The following EPB41L4B variants were observed in gnomAD, a reference collection of about 807,000 sequenced individuals.
The protein encoded by EPB41L4B is erythrocyte membrane protein band 4.1 like 4B, also known as band 4.1-like protein 4B.
A neutral mutation model predicts 112.5 loss-of-function variants in EPB41L4B; 30 were observed. The ratio of observed to expected loss-of-function variants is 0.27; its 90% CI spans 0.20 to 0.36. The LOEUF (loss-of-function observed/expected upper bound fraction) is 0.36, where lower values mean the gene tolerates loss of function less well. Ranked by LOEUF, EPB41L4B falls within the 10% of genes least tolerant of loss-of-function variation. EPB41L4B has a pLI of 1.00. For synonymous variants in EPB41L4B, 408 were observed against 439.7 expected, an observed-to-expected ratio of 0.93 and a Z score of 0.90; for missense variants, 1,024 against 1,133.3, an observed-to-expected ratio of 0.90 and a Z score of 1.38.
At chr9:109,263,473 G>A (rs994665852) in intron 5 of EPB41L4B, among the ~76,000 whole-genome samples, 2 of 152,070 alleles carry the variant, frequency 1.3e-5, no homozygotes, top group African/African-American at 4.8e-5. Context: ...CTTTTTTAAA[G>A]CTGCCTTCAA....
intron 1 of EPB41L4B, among the ~76,000 whole-genome samples, chr9:109,286,069 C>A (rs141916334): frequency 0.01 from 1,554 of 151,872 alleles, 29 homozygotes; most frequent in African/African-American, 0.035. Flanking sequence ...ACATCTCTGT[C>A]CCTCCATCCC....
chr9:109,175,520 A>G (rs1164018348), intron 25 of EPB41L4B, among the ~76,000 whole-genome samples: 1 of 107,716 alleles, frequency 9.3e-6, no homozygotes, highest in Non-Finnish European at 2.2e-5. Context: ...CACAGAGTAA[A>G]TACACATCTT....
Position 109,208,001 on chromosome 9 carries a change from G to C in EPB41L4B, c.1801C>G (p.Pro601Ala), listed in dbSNP as rs1452525587. ...SEKTLQTPLL[P>A]SPVADHVKCN... Reference sequence around the variant, plus strand: ...TTCACATGATCCGCAACAGGGGAAGGCAAAAGTGGAGTCTGAAGAGTTTTC... The same window carrying C: ...TTCACATGATCCGCAACAGGGGAAGCCAAAAGTGGAGTCTGAAGAGTTTTC... The change falls in exon 18 of 26, where the codon CCT (proline) becomes GCT (alanine). Residue 601 changes from proline to alanine, a missense_variant. Transcript: ENST00000374566. The C allele has an allele frequency of 6.2e-7, 1 of 1,614,180 alleles. No individual in the cohort carries two copies. Among genetic ancestry groups the C allele is most frequent in the East Asian group, 2.2e-5 (1 of 44,884 alleles).
chr9:109,314,252 G>A (rs981165294), intron 1 of EPB41L4B, among the ~76,000 whole-genome samples: 4 of 152,214 alleles, frequency 2.6e-5, no homozygotes, highest in Admixed American at 2.0e-4. Flanking sequence ...AATGGTAGGC[G>A]GAGGATTTCT....
At chr9:109,183,099 T>A (rs182167576) in intron 23 of EPB41L4B, among the ~76,000 whole-genome samples, 1 of 152,238 alleles carries the variant, frequency 6.6e-6, no homozygotes, top group East Asian at 1.9e-4. Flanking sequence ...TCTGCTTGGC[T>A]TTCCAGGCCT....
At chr9:109,259,137 C>T (rs1835100585) in intron 6 of EPB41L4B, among the ~76,000 whole-genome samples, 5 of 152,186 alleles carry the variant, frequency 3.3e-5, no homozygotes, top group Admixed American at 3.3e-4. Context: ...AATAGTACTG[C>T]CATCCCCTGG....
At chr9:109,289,004 C>A (rs906373728) in intron 1 of EPB41L4B, among the ~76,000 whole-genome samples, 1 of 152,160 alleles carries the variant, frequency 6.6e-6, no homozygotes, top group Non-Finnish European at 1.5e-5. Flanking sequence ...AGGACTAAGA[C>A]ACCCACCCCC....
chr9:109,301,897 T>A (rs1187185366), intron 1 of EPB41L4B, among the ~76,000 whole-genome samples: 1 of 152,232 alleles, frequency 6.6e-6, no homozygotes, highest in Non-Finnish European at 1.5e-5. Flanking sequence ...AGCAAGACCC[T>A]GTCTCAAAAA....
intron 17 of EPB41L4B, among the ~76,000 whole-genome samples, chr9:109,212,955 C>T (rs1833236464): frequency 6.6e-6 from 1 of 152,164 alleles, no homozygotes; most frequent in Admixed American, 6.5e-5. Flanking sequence ...TTGAGAAACG[C>T]TGGCAAAGAA....
intron 15 of EPB41L4B, among the ~76,000 whole-genome samples, chr9:109,232,901 A>T (rs1834002083): frequency 6.6e-6 from 1 of 152,344 alleles, no homozygotes; most frequent in Middle Eastern, 3.4e-3. Flanking sequence ...GAACATCCTT[A>T]GTTGGCCTCC....
At chr9:109,264,363 G>T (rs1170940959) in intron 5 of EPB41L4B, among the ~76,000 whole-genome samples, 3 of 152,170 alleles carry the variant, frequency 2.0e-5, no homozygotes, top group Non-Finnish European at 4.4e-5. Flanking sequence ...ATTCAATACA[G>T]ATGCTGAAAA....
At chr9:109,194,080 T>G in intron 21 of EPB41L4B, 140 bp downstream of exon 21, 1 of 877,760 alleles carries the variant, frequency 1.1e-6, no homozygotes, top group South Asian at 2.1e-5. Context: ...AAAAACATGT[T>G]CTGGTTGTTG....
At position 109,279,847 on chromosome 9, in the gene EPB41L4B, G is replaced by A. The variant is rs1215530716; in HGVS notation, c.381C>T (p.Gly127=). The part of the protein sequence containing the change: ...HLDLVETDYF[G]LQFLDSAQVA... Reference sequence around the variant, plus strand: ...CCTGGGCAGAGTCGAGGAACTGGAGGCCAAAGTAATCTGTTTCCACAAGGT... The same window carrying A: ...CCTGGGCAGAGTCGAGGAACTGGAGACCAAAGTAATCTGTTTCCACAAGGT... Residue 127 remains glycine (G), a synonymous_variant, in exon 2 of 26, where the codon GGC becomes GGT. Coordinates refer to ENST00000374566, the MANE Select transcript of EPB41L4B (RefSeq NM_019114.5). 10 of 1,613,932 alleles carry A rather than the reference G, an allele frequency of 6.2e-6. No individual in the cohort carries two copies. Among genetic ancestry groups the A allele is most frequent in the Non-Finnish European group, 8.5e-6 (10 of 1,179,998 alleles).
In EPB41L4B at chr9:109,255,808, T is replaced by C. The variant is rs763041797; in HGVS notation, c.965A>G (p.Lys322Arg). ...ATCCTCGACCACCACGAGTGTCAAT[T>C]TGCTCTTTTTAAAATCCATTTTGGT... ...KITKMDFKKS[K>R]LTLVVVEDDD... Residue 322 changes from lysine to arginine, a missense_variant, in exon 10 of 26, where the codon AAA becomes AGA. Coordinates refer to ENST00000374566, the MANE Select transcript of EPB41L4B (RefSeq NM_019114.5). 10 of 1,613,706 alleles carry C rather than the reference T, an allele frequency of 6.2e-6. No homozygotes were observed. Among genetic ancestry groups the C allele is most frequent in the African/African-American group, 4.0e-5 (3 of 74,908 alleles).
At chr9:109,176,065 C>T (rs1831823573) in intron 25 of EPB41L4B, among the ~76,000 whole-genome samples, 1 of 59,364 alleles carries the variant, frequency 1.7e-5, no homozygotes, top group African/African-American at 7.1e-5. Context: ...CACACACACA[C>T]ACACACACAC....
chr9:109,279,787 G>A (rs780718108), intron 2 of EPB41L4B, 30 bp downstream of exon 2: 41 of 1,579,270 alleles, frequency 2.6e-5, no homozygotes, highest in Non-Finnish European at 3.2e-5. Context: ...AAGCCAATCT[G>A]TTCTGAAATG....
At chr9:109,175,554 G>A (rs1831795418) in intron 25 of EPB41L4B, among the ~76,000 whole-genome samples, 2 of 150,332 alleles carry the variant, frequency 1.3e-5, no homozygotes, top group South Asian at 4.2e-4. Flanking sequence ...GTTAGAGATG[G>A]GGCCTTGCTA....
chr9:109,214,694 G>A (rs1209968632), intron 16 of EPB41L4B, among the ~76,000 whole-genome samples: 1 of 152,202 alleles, frequency 6.6e-6, no homozygotes, highest in African/African-American at 2.4e-5. Flanking sequence ...TTTGTAAGAA[G>A]AGAGTAGTTC....
At chr9:109,220,733 C>G (rs1177869042) in intron 15 of EPB41L4B, among the ~76,000 whole-genome samples, 2 of 152,112 alleles carry the variant, frequency 1.3e-5, no homozygotes, top group Middle Eastern at 3.4e-3. Context: ...AAGGACGGTT[C>G]TGTGTGTGTG....
Sources: gnomAD v4.1 joint callset for allele counts (sites outside exome capture counted in the v4.1 genomes callset) on GRCh38, gnomAD v4.1.1 for gene constraint, MANE v1.5 for transcripts, NCBI Gene and HGNC (gene_info 2026-07-23, HGNC 2026-07-21) for gene names.